The following LRRC7 variants were observed in gnomAD, a reference collection of about 807,000 sequenced individuals.
LRRC7 encodes leucine-rich repeat-containing protein 7.
A neutral mutation model predicts 175.7 loss-of-function variants in LRRC7; 23 were observed. The ratio of observed to expected loss-of-function variants is 0.13; its 90% CI spans 0.09 to 0.19. LRRC7 has a LOEUF of 0.19. Among genes scored for constraint, LRRC7 ranks in the 10% least tolerant of loss-of-function variants. The probability of loss-of-function intolerance (pLI) is 1.00; values close to 1 mark genes in which losing one functional copy is unlikely to be tolerated. For missense variants in LRRC7, 1,354 were observed against 1,904.7 expected (o/e 0.71, Z 5.38); for synonymous variants, 685 against 680.9 (o/e 1.01, Z -0.09).
chr1:69,954,684 C>T (rs566093907), intron 8 of LRRC7, among the ~76,000 whole-genome samples: 1 of 152,110 alleles, frequency 6.6e-6, no homozygotes, highest in Admixed American at 6.6e-5. Context: ...AAGATAACCA[C>T]AATAATTATA....
intron 5 of LRRC7, among the ~76,000 whole-genome samples, chr1:69,827,626 G>C (rs894411791): frequency 6.6e-6 from 1 of 151,990 alleles, no homozygotes; most frequent in African/African-American, 2.4e-5. Flanking sequence ...CAGGAGGATC[G>C]CATGAGTTTA....
intron 2 of LRRC7, among the ~76,000 whole-genome samples, chr1:69,728,746 T>C (rs547229199): frequency 2.0e-5 from 3 of 152,282 alleles, no homozygotes; most frequent in East Asian, 3.9e-4. Flanking sequence ...CATTTGGCAA[T>C]TGAAAGAAGT....
In LRRC7 at chr1:70,050,963, G is replaced by A. The variant is rs183822502; in HGVS notation, c.4111-2063G>A. Among the ~76,000 whole-genome samples the A allele has an allele frequency of 1.1e-3, 163 of 152,060 alleles. 1 individual carries two copies. Among genetic ancestry groups the A allele is most frequent in the Middle Eastern group, 3.4e-3 (1 of 294 alleles). ...CCTTTAATTTTGCTACCTAGTGAAA[G>A]TATCTTTTTAATGTGTCTGCATGTT... On this transcript the variant is annotated intron_variant, in intron 22 of 26. Transcript: ENST00000651989.
At chr1:69,842,718 A>G (rs1338043947) in intron 7 of LRRC7, among the ~76,000 whole-genome samples, 3 of 152,168 alleles carry the variant, frequency 2.0e-5, no homozygotes, top group Admixed American at 2.0e-4. Flanking sequence ...AAGTAATGAC[A>G]GTATCTTTTG....
At chr1:69,978,493 T>C (rs1653068378) in intron 8 of LRRC7, among the ~76,000 whole-genome samples, 1 of 152,254 alleles carries the variant, frequency 6.6e-6, no homozygotes, top group Admixed American at 6.5e-5. Flanking sequence ...GTTCATTGCC[T>C]GTTCCCTATG....
intron 4 of LRRC7, among the ~76,000 whole-genome samples, chr1:69,809,583 A>T (rs1390670919): frequency 6.6e-6 from 1 of 152,184 alleles, no homozygotes. Flanking sequence ...CACACCATCA[A>T]GTTGGCTTCA....
chr1:69,981,999 C>T (rs894678211), intron 9 of LRRC7, among the ~76,000 whole-genome samples: 1 of 152,186 alleles, frequency 6.6e-6, no homozygotes, highest in African/African-American at 2.4e-5. Flanking sequence ...TTCAAACCAG[C>T]GCCAGAGGCT....
intron 7 of LRRC7, among the ~76,000 whole-genome samples, chr1:69,931,211 G>A (rs188508248): frequency 5.9e-5 from 9 of 152,180 alleles, no homozygotes; most frequent in Non-Finnish European, 7.4e-5. Flanking sequence ...AAATATTGAA[G>A]TGGGGCCCCA....
chr1:69,955,793 A>G (rs1339132051), intron 8 of LRRC7, among the ~76,000 whole-genome samples: 1 of 151,982 alleles, frequency 6.6e-6, no homozygotes, highest in African/African-American at 2.4e-5. Flanking sequence ...TCCAAATTAC[A>G]TAACCTTGGC....
intron 3 of LRRC7, among the ~76,000 whole-genome samples, chr1:69,784,037 A>G (rs528722475): frequency 2.3e-4 from 35 of 152,328 alleles, no homozygotes; most frequent in African/African-American, 8.4e-4. Flanking sequence ...AAGTCGTGTT[A>G]TATGAAACAT....
At chr1:69,771,617 A>G (rs1320775086) in intron 3 of LRRC7, among the ~76,000 whole-genome samples, 1 of 152,198 alleles carries the variant, frequency 6.6e-6, no homozygotes, top group Non-Finnish European at 1.5e-5. Flanking sequence ...GATTTTAGGT[A>G]AAATATATCA....
intron 1 of LRRC7, among the ~76,000 whole-genome samples, chr1:69,606,258 T>A (rs527554270): frequency 6.6e-6 from 1 of 152,150 alleles, no homozygotes; most frequent in Non-Finnish European, 1.5e-5. Context: ...TTCAAAGCTA[T>A]TCAGAACACC....
At chr1:69,950,299 G>A (rs1649786137) in intron 8 of LRRC7, among the ~76,000 whole-genome samples, 1 of 152,008 alleles carries the variant, frequency 6.6e-6, no homozygotes, top group Non-Finnish European at 1.5e-5. Context: ...AAGGCAGAGA[G>A]GTCCAGGGTA....
chr1:69,963,432 A>C (rs1448817541), intron 8 of LRRC7, among the ~76,000 whole-genome samples: 1 of 152,210 alleles, frequency 6.6e-6, no homozygotes, highest in African/African-American at 2.4e-5. Context: ...TGGAGGGAAC[A>C]GTGAAAGGAG....
chr1:70,092,050 C>T (rs1482913608), intron 25 of LRRC7, among the ~76,000 whole-genome samples: 3 of 152,054 alleles, frequency 2.0e-5, no homozygotes, highest in African/African-American at 7.2e-5. Flanking sequence ...TGACAATTTA[C>T]ATAAGAATTC....
intron 3 of LRRC7, among the ~76,000 whole-genome samples, chr1:69,774,668 TA>T (rs945663359): frequency 6.6e-6 from 1 of 152,160 alleles, no homozygotes; most frequent in African/African-American, 2.4e-5. Context: ...CATTTATGTT[TA>T]AAAAAACTTT....
At chr1:69,657,543 T>G (rs1200171674) in intron 1 of LRRC7, among the ~76,000 whole-genome samples, 1 of 151,912 alleles carries the variant, frequency 6.6e-6, no homozygotes, top group Non-Finnish European at 1.5e-5. Context: ...GTAAAATGTA[T>G]ACATTGTATT....
intron 2 of LRRC7, among the ~76,000 whole-genome samples, chr1:69,726,288 AAG>A (rs1384072662): frequency 6.6e-6 from 1 of 152,206 alleles, no homozygotes; most frequent in Non-Finnish European, 1.5e-5. Flanking sequence ...GCCAGGAGGA[AAG>A]AGTTTCCTTG....
chr1:69,575,495 ACTGT>A (rs1645908951), intron 1 of LRRC7, among the ~76,000 whole-genome samples: 1 of 152,138 alleles, frequency 6.6e-6, no homozygotes, highest in Non-Finnish European at 1.5e-5. Context: ...CTTTGACTTG[ACTGT>A]CTAGGCAGAC....
Sources: allele counts gnomAD v4.1 joint callset (sites outside exome capture counted in the v4.1 genomes callset), GRCh38; gene constraint gnomAD v4.1.1; transcripts MANE v1.5; gene names NCBI Gene and HGNC (gene_info 2026-07-23, HGNC 2026-07-21).